Variants in HTR6 observed in about 807,000 individuals in gnomAD.
HTR6 encodes the protein 5-hydroxytryptamine (serotonin) receptor 6, G protein-coupled.
HTR6 carries 15 observed loss-of-function variants against 17.4 expected under a neutral mutation model. That is an observed-to-expected ratio of 0.86 (90% confidence interval 0.58 to 1.33). The LOEUF (loss-of-function observed/expected upper bound fraction) is 1.33, where lower values mean the gene tolerates loss of function less well. Ranked by LOEUF, HTR6 falls within the 40% of genes most tolerant of loss-of-function variation. The pLI, the probability that HTR6 is intolerant of heterozygous loss-of-function variation, is 0.00. For missense variants in HTR6, 578 were observed against 616.0 expected, an observed-to-expected ratio of 0.94 and a Z score of 0.65; for synonymous variants, 326 against 295.5, an observed-to-expected ratio of 1.10 and a Z score of -1.06.
rs192070090 is a variant in HTR6, at chr1:19,679,803, G to A, written c.*435G>A. Among the ~76,000 whole-genome samples the A allele has an allele frequency of 8.8e-4, 134 of 152,336 alleles. No homozygotes were observed. The highest frequency in any genetic ancestry group is 3.4e-3 in the Middle Eastern group (1 of 294). ...TAGTCCATGGACAATCGGCATTGCC[G>A]TCACCTTTGGGAGTTTGTGAAAAAT... On this transcript the variant is annotated 3_prime_UTR_variant, in exon 3 of 3. Coordinates refer to ENST00000289753, the MANE Select transcript of HTR6 (RefSeq NM_000871.3). The surrounding 1 kb of genome is among the most constrained non-coding windows in gnomAD (Gnocchi z 4.9).
chr1:19,673,028 G>A (rs551882378), intron 1 of HTR6, among the ~76,000 whole-genome samples: 1 of 152,212 alleles, frequency 6.6e-6, no homozygotes, highest in African/African-American at 2.4e-5. Flanking sequence ...TCCTGTTGTT[G>A]GTAAAATATG....
intron 1 of HTR6, among the ~76,000 whole-genome samples, chr1:19,676,634 G>A (rs2095094837): frequency 6.6e-6 from 1 of 152,184 alleles, no homozygotes; most frequent in African/African-American, 2.4e-5. Context: ...AAAGAGCCGG[G>A]GCTGGAGGAG....
At position 19,679,095 on chromosome 1, in the gene HTR6, G is replaced by A. The variant is rs374294260; in HGVS notation, c.1050G>A (p.Ser350=). Residue 350 remains serine (S), a synonymous_variant, in exon 3 of 3, where the codon TCG becomes TCA. Coordinates refer to ENST00000289753, the MANE Select transcript of HTR6 (RefSeq NM_000871.3). This position sits in a 1 kb window ranked among gnomAD's most constrained non-coding sequence, Gnocchi z 4.9. ...CPRERQASLA[S]PSLRTSHSGP... ...GGGAGCGCCAGGCCAGCCTGGCCTC[G>A]CCATCACTGCGCACCTCTCACAGCG... is the stretch of plus-strand genomic sequence containing the variant. 4.6e-5 allele frequency: 75 copies of A among 1,613,492 alleles called. No individual in the cohort carries two copies. The South Asian group carries it at 6.4e-4, about 14-fold the overall frequency.
chr1:19,678,894 G>C (rs752523963), intron 2 of HTR6, 25 bp from the exon 3 acceptor site: 4 of 1,575,168 alleles, frequency 2.5e-6, no homozygotes, highest in Non-Finnish European at 3.5e-6. Context: ...CCTGGGACCA[G>C]GCATGATGCA....
At chr1:19,667,892 T>C (rs1003611368) in intron 1 of HTR6, among the ~76,000 whole-genome samples, 1 of 152,196 alleles carries the variant, frequency 6.6e-6, no homozygotes, top group Non-Finnish European at 1.5e-5. Flanking sequence ...TGGGCTCTTT[T>C]GGTGTAGCCC....
At chr1:19,675,291 G>T (rs1440663892) in intron 1 of HTR6, among the ~76,000 whole-genome samples, 2 of 152,128 alleles carry the variant, frequency 1.3e-5, no homozygotes, top group Non-Finnish European at 2.9e-5. Flanking sequence ...AAGACTGAAT[G>T]ACCTAATGAC....
chr1:19,680,449 G>T lies in HTR6; in HGVS notation c.*1081G>T, dbSNP rs1412076049. On this transcript the variant is annotated 3_prime_UTR_variant, in exon 3 of 3. Transcript: ENST00000289753. ...AGCTGCTGCCCTGCCTTTCCTGGGG[G>T]CAAAAGGGGCAGGTGGCAGTTTCTT... Among the ~76,000 whole-genome samples the T allele has an allele frequency of 6.6e-6, 1 of 152,216 alleles. No individual in the cohort carries two copies. The highest frequency in any genetic ancestry group is 2.4e-5 in the African/African-American group (1 of 41,454).
chr1:19,664,904 C>T lies in HTR6; in HGVS notation c.-850C>T, dbSNP rs1158091033. ...CCGGCCTCTCCTCCGCGCGTGCGGGCCCCTCGCGGCGCCTCCCGGGCTCGG... is the reference window on the plus strand; with the variant it reads ...CCGGCCTCTCCTCCGCGCGTGCGGGTCCCTCGCGGCGCCTCCCGGGCTCGG... On this transcript the variant is annotated 5_prime_UTR_variant, in exon 1 of 3. Transcript: ENST00000289753. This position sits in a 1 kb window ranked among gnomAD's most constrained non-coding sequence, Gnocchi z 4.7. Among the ~76,000 whole-genome samples, 2 of 150,002 alleles carry T rather than the reference C, an allele frequency of 1.3e-5. No homozygotes were observed. The highest frequency in any genetic ancestry group is 3.0e-5 in the Non-Finnish European group (2 of 67,230).
At chr1:19,667,802 C>A (rs2095083423) in intron 1 of HTR6, among the ~76,000 whole-genome samples, 1 of 152,186 alleles carries the variant, frequency 6.6e-6, no homozygotes, top group African/African-American at 2.4e-5. Context: ...TCCTATTGAC[C>A]CCCTGGAGGG....
chr1:19,678,540 G>A lies in HTR6; in HGVS notation c.715-27G>A, dbSNP rs200538675. The stretch of plus-strand genomic sequence containing the variant: ...GGTCAGACGGGGGCCCTTTCTCAAC[G>A]GACTCATGTGGCCTTCCTTTCCGCA... On this transcript the variant is annotated intron_variant, in intron 1 of 2. Coordinates refer to ENST00000289753, the MANE Select transcript of HTR6 (RefSeq NM_000871.3). 170 of 1,611,808 alleles carry A rather than the reference G, an allele frequency of 1.1e-4. 5 individuals carry two copies. In the South Asian group the frequency reaches 1.7e-3, roughly 16 times the overall value.
chr1:19,670,960 A>G (rs927160627), intron 1 of HTR6, among the ~76,000 whole-genome samples: 1 of 152,018 alleles, frequency 6.6e-6, no homozygotes, highest in Non-Finnish European at 1.5e-5. Flanking sequence ...TGAACTTTTT[A>G]TCGTGTGAAT....
Position 19,679,419 on chromosome 1 carries a change from C to G in HTR6, c.*51C>G, listed in dbSNP as rs571488159. ...GAGCTGGATTGAGCAGAACCCAGAC[C>G]CTGAGTCCTTGGGCCAGCTCTTGGC... On this transcript the variant is annotated 3_prime_UTR_variant, in exon 3 of 3. Transcript: ENST00000289753. The surrounding 1 kb of genome is among the most constrained non-coding windows in gnomAD (Gnocchi z 4.9). 6.7e-7 allele frequency: 1 copy of G among 1,492,318 alleles called. No individual in the cohort carries two copies. Among genetic ancestry groups the G allele is most frequent in the East Asian group, 2.4e-5 (1 of 41,712 alleles). The allele number at this position is 1,492,318 out of a possible 1,614,324, so 92.4% of individuals were successfully genotyped here. A position where few individuals can be genotyped will look rare whatever the true frequency, so the allele number is the denominator to read the frequency against.
At chr1:19,678,062 G>A (rs2095096571) in intron 1 of HTR6, among the ~76,000 whole-genome samples, 1 of 152,186 alleles carries the variant, frequency 6.6e-6, no homozygotes, top group Non-Finnish European at 1.5e-5. Context: ...TTTCTGTAGC[G>A]CTAAAGGCTT....
In HTR6 at chr1:19,665,979, G is replaced by T; in HGVS notation, c.226G>T (p.Gly76Trp). Residue 76 changes from glycine to tryptophan, a missense_variant, in exon 1 of 3, where the codon GGG becomes TGG. By Grantham distance (184) the Gly-to-Trp change is radical. Transcript: ENST00000289753. The surrounding 1 kb of genome is among the most constrained non-coding windows in gnomAD (Gnocchi z 4.2). ...VSLFTSDLMV[G>W]LVVMPPAMLN... is the part of the protein sequence containing the mutation. ...GCTCTTCACGTCTGACCTGATGGTG[G>T]GGCTGGTGGTGATGCCGCCGGCCAT... 2.5e-6 allele frequency: 4 copies of T among 1,613,952 alleles called. No individual in the cohort carries two copies. Among genetic ancestry groups the T allele is most frequent in the Non-Finnish European group, 3.4e-6 (4 of 1,179,916 alleles).
chr1:19,667,757 CCTG>C (rs1451112414), intron 1 of HTR6, among the ~76,000 whole-genome samples: 2 of 152,162 alleles, frequency 1.3e-5, no homozygotes, highest in African/African-American at 2.4e-5. Flanking sequence ...TAAGTGAGTG[CCTG>C]CTCTTGCCAT....
Position 19,665,864 on chromosome 1 carries a change from C to A in HTR6, c.111C>A (p.Ile37=). Residue 37 remains isoleucine, a synonymous_variant, in exon 1 of 3, where the codon ATC becomes ATA. Coordinates refer to ENST00000289753, the MANE Select transcript of HTR6 (RefSeq NM_000871.3). This position sits in a 1 kb window ranked among gnomAD's most constrained non-coding sequence, Gnocchi z 4.2. The part of the protein sequence containing the change: ...GWVAAALCVV[I]ALTAAANSLL... Reference sequence around the variant, plus strand: ...TGGCGGCCGCGCTGTGCGTGGTCATCGCGCTGACGGCGGCGGCCAACTCGC... The same window carrying A: ...TGGCGGCCGCGCTGTGCGTGGTCATAGCGCTGACGGCGGCGGCCAACTCGC... The A allele has an allele frequency of 1.9e-6, 3 of 1,598,396 alleles. No individual in the cohort carries two copies. Among genetic ancestry groups the A allele is most frequent in the Non-Finnish European group, 2.6e-6 (3 of 1,173,200 alleles).
At chr1:19,678,805 G>A in intron 2 of HTR6, 80 bp downstream of exon 2, 3 of 1,564,196 alleles carry the variant, frequency 1.9e-6, no homozygotes, top group Non-Finnish European at 2.6e-6. Flanking sequence ...GGGGACAGGG[G>A]AGGGTAGGCT....
chr1:19,669,356 G>A (rs2095085122), intron 1 of HTR6, among the ~76,000 whole-genome samples: 2 of 152,158 alleles, frequency 1.3e-5, no homozygotes, highest in South Asian at 4.1e-4. Context: ...ACCAGGCACT[G>A]AGCTAAACTT....
chr1:19,675,797 T>G (rs985988937), intron 1 of HTR6, among the ~76,000 whole-genome samples: 8 of 152,086 alleles, frequency 5.3e-5, no homozygotes, highest in Non-Finnish European at 1.2e-4. Flanking sequence ...TGGCAGGTCT[T>G]AGGAGATTCT....
Sources: allele counts gnomAD v4.1 joint callset (sites outside exome capture counted in the v4.1 genomes callset), GRCh38; gene constraint gnomAD v4.1.1; non-coding constraint Gnocchi (gnomAD v3.1); transcripts MANE v1.5; gene names NCBI Gene and HGNC (gene_info 2026-07-23, HGNC 2026-07-21).